The following QARS1 variants were observed in gnomAD, a reference collection of about 807,000 sequenced individuals.
QARS1 encodes the protein glutaminyl-tRNA synthetase 1.
A neutral mutation model predicts 106.9 loss-of-function variants in QARS1; 79 were observed. That is an observed-to-expected ratio of 0.74 (90% CI 0.62 to 0.89). The LOEUF (loss-of-function observed/expected upper bound fraction) is 0.89, where lower values mean the gene tolerates loss of function less well. Among genes scored for constraint, QARS1 ranks in the 40% least tolerant of loss-of-function variants. QARS1 has a pLI of 0.00. For missense variants in QARS1, 966 were observed against 997.2 expected (o/e 0.97, Z 0.42); for synonymous variants, 395 against 367.7 (o/e 1.07, Z -0.85).
Position 49,100,621 on chromosome 3 carries a change from CT to C in QARS1, c.929del (p.Glu310GlyfsTer13). ...LRFDDTNPEK[E>X]EAKFFTAICD... ...AGATGGCCGTGAAGAACTTTGCTTCCTCCTTCTCAGGGTTGGTGTCATCAAA... is the reference window on the plus strand; with the variant it reads ...AGATGGCCGTGAAGAACTTTGCTTCCCCTTCTCAGGGTTGGTGTCATCAAA... On this transcript the variant is annotated frameshift_variant, in exon 11 of 24. Transcript: ENST00000306125. LOFTEE classifies it high-confidence loss of function. The C allele has an allele frequency of 6.2e-7, 1 of 1,611,808 alleles. No individual in the cohort carries two copies. The highest frequency in any genetic ancestry group is 8.5e-7 in the Non-Finnish European group (1 of 1,177,838).
At chr3:49,099,025 C>G in intron 18 of QARS1, 36 bp from the exon 19 acceptor site, 1 of 1,612,818 alleles carries the variant, frequency 6.2e-7, no homozygotes, top group Non-Finnish European at 8.5e-7. Flanking sequence ...ATGAGTCATA[C>G]TCAGCATTAG....
intron 5 of QARS1, among the ~76,000 whole-genome samples, chr3:49,103,029 C>T (rs1232021788): frequency 2.0e-5 from 3 of 151,836 alleles, no homozygotes; most frequent in Non-Finnish European, 4.4e-5. Context: ...GCAATCAGAG[C>T]TTACTGCAGC....
chr3:49,102,506 G>T, intron 5 of QARS1, 34 bp from the exon 6 acceptor site: 1 of 1,612,548 alleles, frequency 6.2e-7, no homozygotes, highest in Non-Finnish European at 8.5e-7. Flanking sequence ...AGAGGCAGGA[G>T]TATCCTCTTT....
intron 23 of QARS1, among the ~76,000 whole-genome samples, chr3:49,097,739 T>C (rs961770385): frequency 3.9e-5 from 6 of 152,034 alleles, no homozygotes; most frequent in Non-Finnish European, 7.4e-5. Flanking sequence ...GAGGTTGCAG[T>C]GAGCCGAGAT....
Position 49,098,133 on chromosome 3 carries a change from T to A in QARS1, c.2152-16A>T. Reference sequence around the variant, plus strand: ...GTAGTGATGCCTGCAGGCAGGGAACTCAGGCAACCATCCAACCAGGGAGGC... The same window carrying A: ...GTAGTGATGCCTGCAGGCAGGGAACACAGGCAACCATCCAACCAGGGAGGC... On this transcript the variant is annotated splice_polypyrimidine_tract_variant and intron_variant, in intron 22 of 23. Coordinates refer to ENST00000306125, the MANE Select transcript of QARS1 (RefSeq NM_005051.3). The A allele has an allele frequency of 6.2e-7, 1 of 1,614,184 alleles. No homozygotes were observed. The highest frequency in any genetic ancestry group is 8.5e-7 in the Non-Finnish European group (1 of 1,180,034).
At chr3:49,104,017 A>C in intron 2 of QARS1, 45 bp from the exon 3 acceptor site, 2 of 1,519,780 alleles carry the variant, frequency 1.3e-6, no homozygotes, top group South Asian at 1.1e-5. Context: ...CTGCTCCAAG[A>C]AGTGGACAGA....
chr3:49,102,944 C>A (rs750288446), intron 5 of QARS1, among the ~76,000 whole-genome samples: 9 of 151,892 alleles, frequency 5.9e-5, no homozygotes, highest in Non-Finnish European at 1.5e-5. Context: ...ATGCCCAGCC[C>A]CCTCCCACCT....
Position 49,102,279 on chromosome 3 carries a change from C to T in QARS1, c.571-14G>A, listed in dbSNP as rs558263435. 5 of 1,614,228 alleles carry T rather than the reference C, an allele frequency of 3.1e-6. No individual in the cohort carries two copies. The highest frequency in any genetic ancestry group is 2.2e-5 in the East Asian group (1 of 44,882). ...AGCTTTTGCCACCTGAAAGAAGCCCCAGGTGCTTCAGAAAATGGCATCAAA... is the reference window on the plus strand; with the variant it reads ...AGCTTTTGCCACCTGAAAGAAGCCCTAGGTGCTTCAGAAAATGGCATCAAA... On this transcript the variant is annotated splice_polypyrimidine_tract_variant and intron_variant, in intron 6 of 23. Coordinates refer to ENST00000306125, the MANE Select transcript of QARS1 (RefSeq NM_005051.3).
chr3:49,102,344 C>T (rs1575402837), intron 6 of QARS1, 75 bp downstream of exon 6: 2 of 1,612,646 alleles, frequency 1.2e-6, no homozygotes, highest in East Asian at 2.2e-5. Flanking sequence ...TGTGGTCAGA[C>T]ACTTCCTTCC....
chr3:49,097,766 A>G (rs1236829886), intron 23 of QARS1, among the ~76,000 whole-genome samples: 1 of 152,120 alleles, frequency 6.6e-6, no homozygotes, highest in East Asian at 1.9e-4. Flanking sequence ...ATTGCACTCC[A>G]GCCCCGGGCG....
rs769657593 is a variant in QARS1, at chr3:49,103,398, C to T, written c.463G>A (p.Ala155Thr). ...NMGLLMGEAR[A>T]VLKWADGKMI... Reference sequence around the variant, plus strand: ...TTGCCATCTGCCCACTTCAGCACAGCCCGAGCCTCTCCTAGAAGCATAGGC... The same window carrying T: ...TTGCCATCTGCCCACTTCAGCACAGTCCGAGCCTCTCCTAGAAGCATAGGC... Residue 155 changes from alanine (A) to threonine (T), a missense_variant, in exon 5 of 24, where the codon GCT (alanine) becomes ACT (threonine). By Grantham distance (58) the Ala-to-Thr change is moderately conservative. Transcript: ENST00000306125. The T allele has an allele frequency of 1.9e-6, 3 of 1,614,142 alleles. No individual in the cohort carries two copies. The South Asian group carries it at 3.3e-5, about 18-fold the overall frequency.
Position 49,101,644 on chromosome 3 carries a change from CT to C in QARS1, c.764del (p.Gln255ArgfsTer68). On this transcript the variant is annotated frameshift_variant, in exon 9 of 24. Coordinates refer to ENST00000306125, the MANE Select transcript of QARS1 (RefSeq NM_005051.3). LOFTEE classifies it high-confidence loss of function. ...VTPHTMNLLKQHLEITGGQVR... is the reference protein window; with the variant it reads ...VTPHTMNLLKXHLEITGGQVR... ...CCTGCCCACCAGTAATCTCCAGGTG[CT>C]GCTTTAGTAGATTCATGGTGTGTGG... 6.2e-7 allele frequency: 1 copy of C among 1,613,930 alleles called. No individual in the cohort carries two copies. The highest frequency in any genetic ancestry group is 8.5e-7 in the Non-Finnish European group (1 of 1,180,028).
At chr3:49,098,823 A>C in intron 19 of QARS1, 62 bp downstream of exon 19, 1 of 1,512,148 alleles carries the variant, frequency 6.6e-7, no homozygotes, top group Middle Eastern at 1.8e-4. Flanking sequence ...AGAGATGAGG[A>C]GATGAAAGGT....
In QARS1 at chr3:49,098,614, G is replaced by A; in HGVS notation, c.1942C>T (p.Gln648Ter). Residue 648 changes from glutamine to a stop codon, truncating the protein, a stop_gained, in exon 20 of 24, where the codon CAG becomes TAG. Transcript: ENST00000306125. LOFTEE classifies it high-confidence loss of function. ...CTGGCTCTCACCTTGACAACATGCT[G>A]CAGCTCAATGACGTAGCCTGTATGC... is the stretch of plus-strand genomic sequence containing the variant. ...LRHTGYVIEL[Q>*]HVVKGPSGCV... 2 of 1,611,526 alleles carry A rather than the reference G, an allele frequency of 1.2e-6. No individual in the cohort carries two copies. Among genetic ancestry groups the A allele is most frequent in the South Asian group, 2.2e-5 (2 of 90,830 alleles).
At chr3:49,103,791 A>T in intron 3 of QARS1, 72 bp downstream of exon 3, 1 of 1,596,664 alleles carries the variant, frequency 6.3e-7, no homozygotes, top group Non-Finnish European at 8.6e-7. Flanking sequence ...GGTCTTCCTG[A>T]GGAGGGAAAC....
rs371477009 is a variant in QARS1, at chr3:49,101,669, G to A, written c.740C>T (p.Pro247Leu). 1.2e-6 allele frequency: 2 copies of A among 1,614,044 alleles called. No homozygotes were observed. The highest frequency in any genetic ancestry group is 1.7e-6 in the Non-Finnish European group (2 of 1,180,022). Residue 247 changes from proline (P) to leucine (L), a missense_variant, in exon 9 of 24, where the codon CCA (proline) becomes CTA (leucine). Pro to Leu is a moderately conservative substitution (Grantham distance 98). Coordinates refer to ENST00000306125, the MANE Select transcript of QARS1 (RefSeq NM_005051.3). ...NYKTPGYVVT[P>L]HTMNLLKQHL... ...CTGCTTTAGTAGATTCATGGTGTGT[G>A]GAGTGACCACATAGCCTGGGGTCTT...
Position 49,097,975 on chromosome 3 carries a change from T to G in QARS1, c.2277+17A>C, listed in dbSNP as rs1575398464. ...TGTCACTGCTGCAGATGAGGGCAGG[T>G]GAGTAAAGTCAAGCACCTTTCCCTG... On this transcript the variant is annotated intron_variant, in intron 23 of 23. Transcript: ENST00000306125. The G allele has an allele frequency of 6.2e-7, 1 of 1,613,888 alleles. No homozygotes were observed. The highest frequency in any genetic ancestry group is 8.5e-7 in the Non-Finnish European group (1 of 1,179,902).
intron 7 of QARS1, 134 bp downstream of exon 7, chr3:49,102,071 C>G (rs998635724): frequency 2.2e-6 from 3 of 1,345,968 alleles, no homozygotes; most frequent in Non-Finnish European, 3.1e-6. Flanking sequence ...AAAAGAAACA[C>G]CAGGAATCCC....
chr3:49,099,380 G>A lies in QARS1; in HGVS notation c.1578C>T (p.Gly526=), dbSNP rs763408207. ...LFTLTALRRR[G]FPPEAINNFC... is the part of the protein sequence containing the mutation. ...AGTTGTTGATGGCCTCAGGTGGGAA[G>A]CCCCGCCGTCGCAGGGCCGTGAGTG... The change falls in exon 17 of 24, where the codon GGC becomes GGT. Residue 526 remains glycine, a synonymous_variant. Transcript: ENST00000306125. 1.2e-5 allele frequency: 20 copies of A among 1,614,076 alleles called. No homozygotes were observed. In the Admixed American group the frequency reaches 2.0e-4, roughly 16 times the overall value.
Sources: allele counts gnomAD v4.1 joint callset (sites outside exome capture counted in the v4.1 genomes callset), GRCh38; gene constraint gnomAD v4.1.1; transcripts MANE v1.5; gene names NCBI Gene and HGNC (gene_info 2026-07-23, HGNC 2026-07-21).